The following PGM5 variants were observed in gnomAD, a reference collection of about 807,000 sequenced individuals.
The protein encoded by PGM5 is phosphoglucomutase-like protein 5.
A neutral mutation model predicts 59.2 loss-of-function variants in PGM5; 23 were observed. The ratio of observed to expected loss-of-function variants is 0.39; its 90% CI spans 0.28 to 0.55. The LOEUF (loss-of-function observed/expected upper bound fraction) is 0.55. PGM5 is among the 20% of genes least tolerant of loss of function. PGM5 has a pLI of 0.66. For synonymous variants in PGM5, 214 were observed against 286.0 expected, an observed-to-expected ratio of 0.75 and a Z score of 2.54; for missense variants, 574 against 748.3, an observed-to-expected ratio of 0.77 and a Z score of 2.72.
chr9:68,368,599 T>C (rs1213358411), intron 1 of PGM5, among the ~76,000 whole-genome samples: 1 of 152,252 alleles, frequency 6.6e-6, no homozygotes, highest in African/African-American at 2.4e-5. Context: ...AATTTGCTGT[T>C]TAGTTATTAG....
chr9:68,410,957 C>G (rs1226037633), intron 6 of PGM5, among the ~76,000 whole-genome samples: 2 of 152,166 alleles, frequency 1.3e-5, no homozygotes, highest in Admixed American at 1.3e-4. Flanking sequence ...TGGTCTTTGA[C>G]CTTGATGAGA....
At chr9:68,484,924 C>G (rs1554687437) in intron 9 of PGM5, among the ~76,000 whole-genome samples, 1 of 152,124 alleles carries the variant, frequency 6.6e-6, no homozygotes, top group Non-Finnish European at 1.5e-5. Flanking sequence ...ACAAACTTTT[C>G]TTAGATTCAA....
chr9:68,386,210 C>A (rs1182130748), intron 3 of PGM5, among the ~76,000 whole-genome samples: 5 of 151,894 alleles, frequency 3.3e-5, no homozygotes, highest in African/African-American at 1.2e-4. Flanking sequence ...GTACTCAGGG[C>A]ATAACCTTTT....
At chr9:68,402,247 G>A (rs1433889362) in intron 6 of PGM5, 1 of 152,284 alleles carries the variant, frequency 6.6e-6, no homozygotes, top group Non-Finnish European at 1.5e-5. Context: ...CTGGGTGACA[G>A]AGTGAGACTC....
chr9:68,529,497 G>A (rs1428850825), intron 10 of PGM5, 70 bp from the exon 11 acceptor site: 1 of 1,067,698 alleles, frequency 9.4e-7, no homozygotes, highest in Non-Finnish European at 1.4e-6. Flanking sequence ...GCTTATGGTA[G>A]AAATCCATCA....
At chr9:68,375,904 A>G (rs1821866930) in intron 1 of PGM5, among the ~76,000 whole-genome samples, 1 of 152,208 alleles carries the variant, frequency 6.6e-6, no homozygotes, top group South Asian at 2.1e-4. Context: ...TTCTAAGCAG[A>G]GGAAAAAGAA....
chr9:68,525,205 A>C (rs1333410376), intron 10 of PGM5, among the ~76,000 whole-genome samples: 2 of 152,216 alleles, frequency 1.3e-5, no homozygotes, highest in African/African-American at 4.8e-5. Context: ...TCCCACATGC[A>C]CACAATGTCC....
chr9:68,524,425 C>T (rs937619804), intron 10 of PGM5, among the ~76,000 whole-genome samples: 5 of 152,118 alleles, frequency 3.3e-5, no homozygotes, highest in Admixed American at 6.5e-5. Flanking sequence ...GCAAGATAAG[C>T]GTTCACTGCT....
chr9:68,494,245 A>G (rs1272343192), intron 9 of PGM5, among the ~76,000 whole-genome samples: 7 of 152,146 alleles, frequency 4.6e-5, no homozygotes, highest in Admixed American at 4.6e-4. Context: ...TAATAATGTC[A>G]GATGGTTCAA....
At chr9:68,479,090 A>C (rs1587823500) in intron 7 of PGM5, among the ~76,000 whole-genome samples, 1 of 152,242 alleles carries the variant, frequency 6.6e-6, no homozygotes, top group East Asian at 1.9e-4. Flanking sequence ...CTTTACCCCA[A>C]GACGTAGAAC....
At chr9:68,495,700 G>A (rs1340551502) in intron 9 of PGM5, among the ~76,000 whole-genome samples, 1 of 152,196 alleles carries the variant, frequency 6.6e-6, no homozygotes, top group African/African-American at 2.4e-5. Context: ...TACAGGTTCA[G>A]GTGAACCTAT....
At chr9:68,525,603 T>C (rs1824959547) in intron 10 of PGM5, among the ~76,000 whole-genome samples, 1 of 152,216 alleles carries the variant, frequency 6.6e-6, no homozygotes, top group Non-Finnish European at 1.5e-5. Flanking sequence ...TAAAAAGATA[T>C]ATACCATCTA....
At chr9:68,476,919 G>A (rs976124801) in intron 7 of PGM5, among the ~76,000 whole-genome samples, 4 of 152,168 alleles carry the variant, frequency 2.6e-5, no homozygotes, top group Non-Finnish European at 4.4e-5. Flanking sequence ...GCTGGAGTTC[G>A]AAGGTATGCA....
chr9:68,368,009 T>C (rs1317561408), intron 1 of PGM5, among the ~76,000 whole-genome samples: 1 of 152,232 alleles, frequency 6.6e-6, no homozygotes, highest in Non-Finnish European at 1.5e-5. Flanking sequence ...TACAGATAGA[T>C]ATACACATAC....
At chr9:68,506,293 C>A (rs1340139824) in intron 10 of PGM5, among the ~76,000 whole-genome samples, 2 of 152,154 alleles carry the variant, frequency 1.3e-5, no homozygotes, top group Non-Finnish European at 2.9e-5. Flanking sequence ...TCAAATAAGG[C>A]AAAAACTGAG....
In PGM5 at chr9:68,529,550, T is replaced by A. The variant is rs763483634; in HGVS notation, c.1615-17T>A. 6.4e-7 allele frequency: 1 copy of A among 1,564,474 alleles called. No homozygotes were observed. Among genetic ancestry groups the A allele is most frequent in the Non-Finnish European group, 8.7e-7 (1 of 1,145,402 alleles). On this transcript the variant is annotated splice_polypyrimidine_tract_variant and intron_variant, in intron 10 of 10. Transcript: ENST00000396396. ...ACTGACTTGAGTTGTTCACAGACTT[T>A]CCTTTTCCTTTTGCAGGCAGTGCTG...
chr9:68,499,246 C>T lies in PGM5; in HGVS notation c.1499C>T (p.Ser500Leu), dbSNP rs146189892. The change falls in exon 10 of 11, where the codon TCG (serine) becomes TTG (leucine). Residue 500 changes from serine (S) to leucine (L), a missense_variant. Ser to Leu is a moderately radical substitution (Grantham distance 145, BLOSUM62 -2). Around this residue, in one of 7 missense-constraint regions of PGM5, gnomAD observed 300 missense variants for 280.0 expected, o/e 1.07. Coordinates refer to ENST00000396396, the MANE Select transcript of PGM5 (RefSeq NM_021965.4). ...TCTCAGGGCCTAAGGATCATTTTCT[C>T]GGATGCATCACGGCTCATCTTCCGG... ...TKKQGLRIIF[S>L]DASRLIFRLS... 1.7e-5 allele frequency: 27 copies of T among 1,614,190 alleles called. No homozygotes were observed. The highest frequency in any genetic ancestry group is 1.6e-4 in the African/African-American group (12 of 75,060).
chr9:68,498,149 A>G (rs551165460), intron 9 of PGM5: 4 of 152,242 alleles, frequency 2.6e-5, no homozygotes, highest in Non-Finnish European at 5.9e-5. Flanking sequence ...TTTGGTTCCT[A>G]AATAAGATGG....
chr9:68,418,674 G>A (rs1489674171), intron 6 of PGM5, among the ~76,000 whole-genome samples: 1 of 152,042 alleles, frequency 6.6e-6, no homozygotes, highest in African/African-American at 2.4e-5. Flanking sequence ...TGGTTTCTGC[G>A]CCTGTGATGG....
Sources: allele counts gnomAD v4.1 joint callset (sites outside exome capture counted in the v4.1 genomes callset), GRCh38; gene constraint gnomAD v4.1.1; regional missense constraint gnomAD v4.1.1; transcripts MANE v1.5; gene names NCBI Gene and HGNC (gene_info 2026-07-23, HGNC 2026-07-21).